The following SLC27A6 variants were observed in gnomAD, a reference collection of about 807,000 sequenced individuals.
The protein encoded by SLC27A6 is solute carrier family 27 member 6.
Under a neutral mutation model 63.9 loss-of-function variants are expected in SLC27A6, and 74 were observed. That is an observed-to-expected ratio of 1.16 (90% CI 0.96 to 1.40). SLC27A6 has a LOEUF of 1.40. SLC27A6 is among the 40% of genes most tolerant of loss of function. The pLI, the probability that SLC27A6 is intolerant of heterozygous loss-of-function variation, is 0.00. For synonymous variants in SLC27A6, 287 were observed against 260.8 expected (o/e 1.10, Z -0.97); for missense variants, 794 against 732.9 (o/e 1.08, Z -0.96).
At chr5:129,010,669 GT>G (rs1269791730) in intron 4 of SLC27A6, among the ~76,000 whole-genome samples, 1 of 152,086 alleles carries the variant, frequency 6.6e-6, no homozygotes, top group Non-Finnish European at 1.5e-5. Context: ...AGAAAAGAGA[GT>G]CTTAGTCCTA....
chr5:128,979,888 G>C (rs1750525371), intron 1 of SLC27A6, among the ~76,000 whole-genome samples: 1 of 152,160 alleles, frequency 6.6e-6, no homozygotes, highest in South Asian at 2.1e-4. Context: ...AGAAAGACTT[G>C]TGCTTCTGTT....
At chr5:128,996,209 A>G (rs1325273893) in intron 4 of SLC27A6, among the ~76,000 whole-genome samples, 1 of 152,174 alleles carries the variant, frequency 6.6e-6, no homozygotes, top group Non-Finnish European at 1.5e-5. Context: ...GTAGTTTGAC[A>G]TTTAGGCTAT....
intron 4 of SLC27A6, among the ~76,000 whole-genome samples, chr5:128,993,007 G>A (rs1248537250): frequency 6.6e-6 from 1 of 152,138 alleles, no homozygotes; most frequent in African/African-American, 2.4e-5. Context: ...ACTTAATGCT[G>A]CATTTAGTAT....
intron 1 of SLC27A6, among the ~76,000 whole-genome samples, chr5:128,983,289 G>GGTT (rs1241719309): frequency 9.0e-6 from 1 of 111,108 alleles, no homozygotes; most frequent in Non-Finnish European, 1.7e-5. Context: ...TCTGATCCGG[G>GGTT]TTTTTTTTTT....
chr5:128,975,848 C>T (rs1285204179), intron 1 of SLC27A6, among the ~76,000 whole-genome samples: 1 of 152,126 alleles, frequency 6.6e-6, no homozygotes, highest in Non-Finnish European at 1.5e-5. Context: ...ACATGTTCAA[C>T]AGATATTATA....
chr5:128,998,912 G>A (rs1751245443), intron 4 of SLC27A6, among the ~76,000 whole-genome samples: 1 of 152,030 alleles, frequency 6.6e-6, no homozygotes. Flanking sequence ...TTCCCAGCGG[G>A]GGTAAAACAC....
At chr5:128,981,227 C>T (rs901570305) in intron 1 of SLC27A6, among the ~76,000 whole-genome samples, 3 of 152,096 alleles carry the variant, frequency 2.0e-5, no homozygotes, top group Non-Finnish European at 2.9e-5. Flanking sequence ...TGTCTATAAT[C>T]CCAGCACTTT....
chr5:128,988,662 G>C lies in SLC27A6; in HGVS notation c.748G>C (p.Ala250Pro). ...QVLRGSAVLW[A>P]FGCTAHDIVY... The stretch of plus-strand genomic sequence containing the variant: ...TTTAAGGGGTTCTGCTGTCCTGTGG[G>C]CTTTTGGTTGTACTGCTCATGACAT... Residue 250 changes from alanine (A) to proline (P), a missense_variant, in exon 3 of 10, where the codon GCT (alanine) becomes CCT (proline). Ala to Pro is a conservative substitution (Grantham distance 27, BLOSUM62 -1). Coordinates refer to ENST00000262462, the MANE Select transcript of SLC27A6 (RefSeq NM_001017372.3). The C allele has an allele frequency of 6.2e-7, 1 of 1,613,964 alleles. No homozygotes were observed. The highest frequency in any genetic ancestry group is 8.5e-7 in the Non-Finnish European group (1 of 1,179,914).
intron 1 of SLC27A6, among the ~76,000 whole-genome samples, chr5:128,971,034 G>A (rs1750136218): frequency 1.6e-4 from 24 of 152,156 alleles, no homozygotes; most frequent in Admixed American, 1.6e-3. Flanking sequence ...TCATTCAGGA[G>A]CAGGTTGTTC....
intron 4 of SLC27A6, among the ~76,000 whole-genome samples, chr5:129,015,101 G>A (rs545346502): frequency 9.9e-5 from 15 of 151,962 alleles, no homozygotes; most frequent in African/African-American, 3.4e-4. Flanking sequence ...GCATTTTTTG[G>A]TGATGATGGA....
intron 4 of SLC27A6, among the ~76,000 whole-genome samples, chr5:128,992,794 C>A (rs1420393551): frequency 6.6e-6 from 1 of 152,136 alleles, no homozygotes; most frequent in South Asian, 2.1e-4. Context: ...ATTAAGGTCA[C>A]CTTCAGTTGA....
chr5:128,970,489 C>T (rs56706994), intron 1 of SLC27A6, among the ~76,000 whole-genome samples: 98 of 152,054 alleles, frequency 6.4e-4, no homozygotes, highest in African/African-American at 2.1e-3. Flanking sequence ...AGTCTTGTGA[C>T]GGTGTATGTG....
intron 5 of SLC27A6, among the ~76,000 whole-genome samples, chr5:129,019,110 A>C (rs1205547653): frequency 3.3e-5 from 5 of 152,156 alleles, no homozygotes; most frequent in Non-Finnish European, 7.4e-5. Flanking sequence ...AAGATAAGGC[A>C]GCAACACAGA....
chr5:128,966,687 C>A, intron 1 of SLC27A6, 69 bp downstream of exon 1: 1 of 1,351,908 alleles, frequency 7.4e-7, no homozygotes. Context: ...TTTTTTTTTT[C>A]TTTAGGATAA....
intron 3 of SLC27A6, among the ~76,000 whole-genome samples, chr5:128,989,945 T>C (rs1054453842): frequency 8.4e-5 from 12 of 142,484 alleles, no homozygotes; most frequent in Non-Finnish European, 1.5e-4. Flanking sequence ...AAAAAAGATA[T>C]GTTGAGGCTG....
chr5:129,016,133 C>T (rs1383725515), intron 5 of SLC27A6, 54 bp downstream of exon 5: 2 of 1,323,010 alleles, frequency 1.5e-6, no homozygotes, highest in East Asian at 2.5e-5. Flanking sequence ...TGGCTCATAC[C>T]TGTAATCCCA....
At chr5:129,025,660 A>T (rs1267338011) in intron 6 of SLC27A6, among the ~76,000 whole-genome samples, 1 of 152,126 alleles carries the variant, frequency 6.6e-6, no homozygotes, top group East Asian at 1.9e-4. Flanking sequence ...AATTGTGATG[A>T]TAATGATGGT....
intron 1 of SLC27A6, among the ~76,000 whole-genome samples, chr5:128,983,216 T>A (rs1383775128): frequency 1.3e-5 from 2 of 151,518 alleles, no homozygotes; most frequent in African/African-American, 4.8e-5. Flanking sequence ...CCTGAAAAAA[T>A]TAGAAAAAAT....
At chr5:129,008,460 G>A (rs1329264571) in intron 4 of SLC27A6, among the ~76,000 whole-genome samples, 1 of 152,178 alleles carries the variant, frequency 6.6e-6, no homozygotes. Context: ...GAATGCCAAG[G>A]CATCTTATAA....
Sources: gnomAD v4.1 joint callset for allele counts (sites outside exome capture counted in the v4.1 genomes callset) on GRCh38, gnomAD v4.1.1 for gene constraint, MANE v1.5 for transcripts, NCBI Gene and HGNC (gene_info 2026-07-23, HGNC 2026-07-21) for gene names.